Variants in PRKCE observed in about 807,000 individuals in gnomAD.
PRKCE encodes protein kinase C epsilon type.
A neutral mutation model predicts 85.4 loss-of-function variants in PRKCE; 16 were observed. The observed-to-expected ratio is 0.19, with a 90% CI of 0.13 to 0.28. The LOEUF (loss-of-function observed/expected upper bound fraction) is 0.28. Among genes scored for constraint, PRKCE ranks in the 10% least tolerant of loss-of-function variants. PRKCE has a pLI of 1.00. For synonymous variants in PRKCE, 388 were observed against 371.5 expected (o/e 1.04, Z -0.51); for missense variants, 573 against 975.2 (o/e 0.59, Z 5.49).
intron 1 of PRKCE, among the ~76,000 whole-genome samples, chr2:45,762,319 A>G (rs1684574594): frequency 6.6e-6 from 1 of 152,146 alleles, no homozygotes; most frequent in African/African-American, 2.4e-5. Flanking sequence ...ATGCTGGGAA[A>G]ACTGGTGACC....
intron 2 of PRKCE, among the ~76,000 whole-genome samples, chr2:45,906,327 T>C (rs1696971418): frequency 6.6e-6 from 1 of 152,104 alleles, no homozygotes; most frequent in Non-Finnish European, 1.5e-5. Context: ...AGAGAACAGG[T>C]TTCTGGAGGC....
intron 10 of PRKCE, among the ~76,000 whole-genome samples, chr2:46,046,491 G>A (rs962588737): frequency 2.0e-5 from 3 of 152,200 alleles, no homozygotes; most frequent in Non-Finnish European, 4.4e-5. Context: ...AACCTTGTAG[G>A]GGCTGCTTCT....
At chr2:46,119,378 A>T (rs1268977615) in intron 11 of PRKCE, among the ~76,000 whole-genome samples, 1 of 151,962 alleles carries the variant, frequency 6.6e-6, no homozygotes, top group Non-Finnish European at 1.5e-5. Flanking sequence ...TCTTTACTCT[A>T]GCTAAATGAT....
chr2:45,753,378 C>G (rs144910103), intron 1 of PRKCE, among the ~76,000 whole-genome samples: 1 of 152,210 alleles, frequency 6.6e-6, no homozygotes, highest in Non-Finnish European at 1.5e-5. Flanking sequence ...TTATGGAGAA[C>G]TTTACATCTT....
intron 2 of PRKCE, among the ~76,000 whole-genome samples, chr2:45,898,788 G>A (rs1279591206): frequency 6.6e-6 from 1 of 152,186 alleles, no homozygotes; most frequent in African/African-American, 2.4e-5. Context: ...CTCTGAGGAG[G>A]GAGTGGAGAA....
intron 1 of PRKCE, chr2:45,701,277 T>A (rs902327956): frequency 2.0e-5 from 3 of 152,210 alleles, no homozygotes; most frequent in Non-Finnish European, 4.4e-5. Flanking sequence ...AGGGTTTGTT[T>A]TTTGTGTGTT....
At chr2:46,136,086 G>A (rs1674966139) in intron 11 of PRKCE, among the ~76,000 whole-genome samples, 2 of 151,940 alleles carry the variant, frequency 1.3e-5, no homozygotes, top group Admixed American at 6.6e-5. Flanking sequence ...AATCTCCCTC[G>A]AGGGCCTGCT....
chr2:46,065,330 G>C (rs1401502326), intron 10 of PRKCE, among the ~76,000 whole-genome samples: 5 of 152,056 alleles, frequency 3.3e-5, no homozygotes, highest in African/African-American at 9.7e-5. Context: ...ACGGGAAACA[G>C]TTTTGGGGTT....
At chr2:45,926,806 AG>A (rs1352900822) in intron 2 of PRKCE, among the ~76,000 whole-genome samples, 1 of 152,250 alleles carries the variant, frequency 6.6e-6, no homozygotes, top group Admixed American at 6.5e-5. Flanking sequence ...TGGGCTGAAA[AG>A]TAGGACACAG....
chr2:45,711,171 G>T (rs1324538575), intron 1 of PRKCE, among the ~76,000 whole-genome samples: 1 of 152,162 alleles, frequency 6.6e-6, no homozygotes, highest in East Asian at 1.9e-4. Context: ...CACAGGCAAG[G>T]TACTTATCCC....
At chr2:45,811,416 G>GA (rs1688643805) in intron 1 of PRKCE, among the ~76,000 whole-genome samples, 1 of 152,098 alleles carries the variant, frequency 6.6e-6, no homozygotes, top group Non-Finnish European at 1.5e-5. Flanking sequence ...GTTTGAGCTG[G>GA]AAAAAAATTA....
intron 2 of PRKCE, among the ~76,000 whole-genome samples, chr2:45,859,367 C>T (rs111357466): frequency 5.9e-5 from 9 of 152,230 alleles, no homozygotes; most frequent in East Asian, 1.9e-4. Context: ...TCAACAGATA[C>T]GTGCACATTC....
At chr2:45,717,865 C>T (rs771539592) in intron 1 of PRKCE, among the ~76,000 whole-genome samples, 1 of 152,158 alleles carries the variant, frequency 6.6e-6, no homozygotes, top group Non-Finnish European at 1.5e-5. Context: ...TCCAGTATCA[C>T]GGGTCTACTC....
intron 10 of PRKCE, among the ~76,000 whole-genome samples, chr2:46,083,563 G>A (rs967932670): frequency 2.6e-5 from 4 of 152,176 alleles, no homozygotes; most frequent in African/African-American, 9.7e-5. Context: ...TGTTTCAGGT[G>A]GTGTGGTTCA....
chr2:45,981,842 C>T (rs536593503), intron 5 of PRKCE, among the ~76,000 whole-genome samples: 6 of 152,276 alleles, frequency 3.9e-5, no homozygotes, highest in African/African-American at 1.2e-4. Context: ...TCAGTCTCAT[C>T]ACCTGCAGGT....
At chr2:46,038,885 A>G (rs1185862358) in intron 10 of PRKCE, among the ~76,000 whole-genome samples, 1 of 152,208 alleles carries the variant, frequency 6.6e-6, no homozygotes, top group East Asian at 1.9e-4. Context: ...TGTAGCAACT[A>G]TGAACATCTT....
intron 14 of PRKCE, among the ~76,000 whole-genome samples, chr2:46,183,464 A>C (rs940176790): frequency 2.0e-5 from 3 of 152,248 alleles, no homozygotes; most frequent in Non-Finnish European, 4.4e-5. Context: ...CCAAGTCACT[A>C]ATCCTGGGTA....
At chr2:45,782,779 A>C (rs1686296057) in intron 1 of PRKCE, among the ~76,000 whole-genome samples, 1 of 152,038 alleles carries the variant, frequency 6.6e-6, no homozygotes, top group African/African-American at 2.4e-5. Context: ...ATACACACAC[A>C]CACTCACACA....
At position 45,850,698 on chromosome 2, in the gene PRKCE, C is replaced by T. The variant is rs530895451; in HGVS notation, c.412+7635C>T. On this transcript the variant is annotated intron_variant, in intron 2 of 14. Transcript: ENST00000306156. ...AGCAAGTGCATTCACCATTTTTAAT[C>T]GAGCTGTTGACACTGGGGCTTTTAT... is the stretch of plus-strand genomic sequence containing the variant. 3.3e-5 allele frequency among the ~76,000 whole-genome samples: 5 copies of T among 152,238 alleles called. No individual in the cohort carries two copies. The East Asian group carries it at 9.6e-4, about 29-fold the overall frequency.
Sources: allele counts gnomAD v4.1 joint callset (sites outside exome capture counted in the v4.1 genomes callset), GRCh38; gene constraint gnomAD v4.1.1; transcripts MANE v1.5; gene names NCBI Gene and HGNC (gene_info 2026-07-23, HGNC 2026-07-21).